Variants in MAPK10 observed in about 807,000 individuals in gnomAD.
MAPK10 encodes JNK3 alpha protein kinase.
Under a neutral mutation model 59.3 loss-of-function variants are expected in MAPK10, and 25 were observed. The observed-to-expected ratio is 0.42, with a 90% CI of 0.31 to 0.59. MAPK10 has a LOEUF of 0.59. Ranked by LOEUF, MAPK10 falls within the 20% of genes least tolerant of loss-of-function variation. The probability of loss-of-function intolerance (pLI) is 0.15; values close to 1 mark genes in which losing one functional copy is unlikely to be tolerated. For missense variants in MAPK10, 351 were observed against 568.9 expected (o/e 0.62, Z 3.90); for synonymous variants, 190 against 200.5 (o/e 0.95, Z 0.44).
At chr4:86,210,019 T>C (rs920623519) in intron 2 of MAPK10, among the ~76,000 whole-genome samples, 6 of 151,936 alleles carry the variant, frequency 3.9e-5, no homozygotes, top group Admixed American at 6.6e-5. Context: ...AGAACATACA[T>C]TGGGGAAAGA....
At chr4:86,194,294 G>A (rs1386150067) in intron 3 of MAPK10, 42 bp downstream of exon 3, 9 of 1,469,652 alleles carry the variant, frequency 6.1e-6, no homozygotes, top group Non-Finnish European at 8.6e-6. Flanking sequence ...GGAAATACAA[G>A]GGAATATACT....
chr4:86,083,740 A>G (rs1260972266), intron 9 of MAPK10, among the ~76,000 whole-genome samples: 1 of 152,118 alleles, frequency 6.6e-6, no homozygotes, highest in African/African-American at 2.4e-5. Context: ...GGGTGCTGGC[A>G]TCACCCCTCC....
chr4:86,194,489 A>T (rs2080807357), intron 2 of MAPK10, 82 bp from the exon 3 acceptor site: 1 of 826,638 alleles, frequency 1.2e-6, no homozygotes, highest in Non-Finnish European at 2.1e-6. Context: ...GCATAATTTG[A>T]GTTATATGCA....
intron 2 of MAPK10, among the ~76,000 whole-genome samples, chr4:86,209,679 T>G (rs2149350472): frequency 6.6e-6 from 1 of 152,180 alleles, no homozygotes; most frequent in Middle Eastern, 3.4e-3. Context: ...GAATCAATAC[T>G]GTTAAAATGT....
chr4:86,484,085 G>A (rs1753800238), intron 1 of MAPK10, among the ~76,000 whole-genome samples: 1 of 152,112 alleles, frequency 6.6e-6, no homozygotes, highest in Non-Finnish European at 1.5e-5. Flanking sequence ...AGGGGAGGAA[G>A]CAAGTAATGG....
At chr4:86,377,943 C>A (rs1384232756) in intron 1 of MAPK10, among the ~76,000 whole-genome samples, 1 of 152,124 alleles carries the variant, frequency 6.6e-6, no homozygotes, top group Non-Finnish European at 1.5e-5. Flanking sequence ...GCTGCTCTGG[C>A]AGCTGATTAG....
chr4:86,269,689 T>C (rs1455182230), intron 2 of MAPK10, among the ~76,000 whole-genome samples: 1 of 152,136 alleles, frequency 6.6e-6, no homozygotes, highest in Non-Finnish European at 1.5e-5. Flanking sequence ...TCCTACCTGC[T>C]CTGGCAAACA....
At chr4:86,066,255 C>T (rs943909318) in intron 10 of MAPK10, among the ~76,000 whole-genome samples, 7 of 152,034 alleles carry the variant, frequency 4.6e-5, no homozygotes, top group Non-Finnish European at 1.5e-5. Flanking sequence ...AACTCTGTAC[C>T]GCACAGGAAT....
chr4:86,261,638 G>A (rs571360038), intron 2 of MAPK10, among the ~76,000 whole-genome samples: 2 of 152,304 alleles, frequency 1.3e-5, no homozygotes, highest in Admixed American at 1.3e-4. Flanking sequence ...TGTATGTGGA[G>A]TGAGAAAAAT....
intron 4 of MAPK10, among the ~76,000 whole-genome samples, chr4:86,149,664 G>A (rs1382176836): frequency 6.6e-6 from 1 of 152,212 alleles, no homozygotes; most frequent in Non-Finnish European, 1.5e-5. Context: ...AGCCAGGCCA[G>A]CTACAATAAT....
chr4:86,140,990 G>A (rs2063523810), intron 4 of MAPK10, among the ~76,000 whole-genome samples: 1 of 152,132 alleles, frequency 6.6e-6, no homozygotes, highest in South Asian at 2.1e-4. Context: ...TACATATCCA[G>A]ACTGAATTTT....
At chr4:86,423,793 A>ATATATATATATATATATATG (rs1564842450) in intron 1 of MAPK10, among the ~76,000 whole-genome samples, 2 of 146,324 alleles carry the variant, frequency 1.4e-5, no homozygotes, top group African/African-American at 5.0e-5. Context: ...ATATATATAT[A>ATATATATATATATATATATG]TATGTTTAGG....
chr4:86,346,054 G>T lies in MAPK10; in HGVS notation c.-7+8476C>A, dbSNP rs545017760. On this transcript the variant is annotated intron_variant, in intron 2 of 13. Coordinates refer to ENST00000641462, the MANE Select transcript of MAPK10 (RefSeq NM_138982.4). ...GATAGATGAAAACAGAATGTGTTTT[G>T]GTTCCTTAAATTATAACACAGAGTC... Among the ~76,000 whole-genome samples, 8 of 152,226 alleles carry T rather than the reference G, an allele frequency of 5.3e-5. No homozygotes were observed. In the South Asian group the frequency reaches 1.4e-3, roughly 28 times the overall value.
At chr4:86,412,651 G>C (rs1745337551) in intron 1 of MAPK10, among the ~76,000 whole-genome samples, 1 of 151,686 alleles carries the variant, frequency 6.6e-6, no homozygotes, top group South Asian at 2.1e-4. Context: ...TCATTTATTT[G>C]ATCTTAAATC....
intron 1 of MAPK10, among the ~76,000 whole-genome samples, chr4:86,422,563 T>A (rs1746670565): frequency 6.6e-6 from 1 of 152,216 alleles, no homozygotes; most frequent in Admixed American, 6.5e-5. Flanking sequence ...TCAGAATGGC[T>A]TCTTTATTGT....
Position 86,247,315 on chromosome 4 carries a change from A to G in MAPK10, c.-6-52908T>C, listed in dbSNP as rs569801789. Among the ~76,000 whole-genome samples, 12 of 152,326 alleles carry G rather than the reference A, an allele frequency of 7.9e-5. No individual in the cohort carries two copies. The East Asian group carries it at 1.9e-3, about 25-fold the overall frequency. On this transcript the variant is annotated intron_variant, in intron 2 of 13. Transcript: ENST00000641462. ...AGAAATACTGGTATAATTGAGCACCATATTTACAAATCCTAAATAGTTAAC... is the reference window on the plus strand; with the variant it reads ...AGAAATACTGGTATAATTGAGCACCGTATTTACAAATCCTAAATAGTTAAC...
chr4:86,319,684 A>G (rs1395613911), intron 2 of MAPK10, among the ~76,000 whole-genome samples: 1 of 152,174 alleles, frequency 6.6e-6, no homozygotes, highest in East Asian at 1.9e-4. Context: ...CTCAACTCCA[A>G]GGAAACCTGC....
At chr4:86,113,276 T>C (rs562180624) in intron 4 of MAPK10, among the ~76,000 whole-genome samples, 1 of 152,296 alleles carries the variant, frequency 6.6e-6, no homozygotes, top group Non-Finnish European at 1.5e-5. Flanking sequence ...GCTGGTTATT[T>C]TGCAGGCTTG....
intron 1 of MAPK10, among the ~76,000 whole-genome samples, chr4:86,475,033 T>C (rs1752962915): frequency 6.6e-6 from 1 of 152,206 alleles, no homozygotes; most frequent in Non-Finnish European, 1.5e-5. Flanking sequence ...TGACCCCCAC[T>C]CCTGCCTGCC....
Sources: allele counts gnomAD v4.1 joint callset (sites outside exome capture counted in the v4.1 genomes callset), GRCh38; gene constraint gnomAD v4.1.1; transcripts MANE v1.5; gene names NCBI Gene and HGNC (gene_info 2026-07-23, HGNC 2026-07-21).